The following GPN1 variants were observed in gnomAD, a reference collection of about 807,000 sequenced individuals.
GPN1 encodes ATP(GTP)-binding protein.
GPN1 carries 44 observed loss-of-function variants against 55.9 expected under a neutral mutation model. The observed-to-expected ratio is 0.79, with a 90% CI of 0.62 to 1.01. The LOEUF (loss-of-function observed/expected upper bound fraction) is 1.01. GPN1 is among the 50% of genes least tolerant of loss of function. GPN1 has a pLI of 0.00. For synonymous variants in GPN1, 179 were observed against 162.5 expected (o/e 1.10, Z -0.77); for missense variants, 466 against 462.8 (o/e 1.01, Z -0.06).
chr2:27,637,067 G>A (rs1404419172), intron 7 of GPN1, among the ~76,000 whole-genome samples: 1 of 151,958 alleles, frequency 6.6e-6, no homozygotes, highest in Non-Finnish European at 1.5e-5. Flanking sequence ...ACCAGCCGGG[G>A]CACCATGGTG....
rs1491065968 is a variant in GPN1, at chr2:27,633,452, TGA to T, written c.350+784_350+785del. On this transcript the variant is annotated intron_variant, in intron 5 of 13. Coordinates refer to ENST00000610189, the MANE Select transcript of GPN1 (RefSeq NM_007266.4). ...TCCCAAGTAGCTGGGACTACAGGTG[TGA>T]GCCACCACACCTGGCTAATTTTTGT... Among the ~76,000 whole-genome samples the T allele has an allele frequency of 2.2e-3, 328 of 152,184 alleles. 3 individuals carry two copies. Among genetic ancestry groups the T allele is most frequent in the African/African-American group, 7.2e-3 (298 of 41,520 alleles).
At chr2:27,641,206 A>G in intron 10 of GPN1, 34 bp from the exon 11 acceptor site, 1 of 1,518,552 alleles carries the variant, frequency 6.6e-7, no homozygotes, top group Non-Finnish European at 9.1e-7. Context: ...TAGAGGATTA[A>G]GCAAAGGAAT....
At chr2:27,641,496 G>T (rs1673948711) in intron 11 of GPN1, among the ~76,000 whole-genome samples, 1 of 152,080 alleles carries the variant, frequency 6.6e-6, no homozygotes, top group Non-Finnish European at 1.5e-5. Flanking sequence ...TATGTATGTT[G>T]TCTGGGTGCG....
intron 11 of GPN1, 169 bp from the exon 12 acceptor site, chr2:27,642,260 C>T: frequency 3.5e-6 from 2 of 572,380 alleles, no homozygotes; most frequent in Non-Finnish European, 6.4e-6. Context: ...CTGCAGTAAC[C>T]CAGGCCCACG....
rs569346171 is a variant in GPN1 at position 27,633,462 on chromosome 2, C to T, written c.350+792C>T. Among the ~76,000 whole-genome samples the T allele has an allele frequency of 2.2e-3, 328 of 152,090 alleles. 3 individuals carry two copies. Among genetic ancestry groups the T allele is most frequent in the African/African-American group, 7.2e-3 (298 of 41,476 alleles). On this transcript the variant is annotated intron_variant, in intron 5 of 13. Transcript: ENST00000610189. Reference sequence around the variant, plus strand: ...CTGGGACTACAGGTGTGAGCCACCACACCTGGCTAATTTTTGTATTTTTGT... The same window carrying T: ...CTGGGACTACAGGTGTGAGCCACCATACCTGGCTAATTTTTGTATTTTTGT...
At chr2:27,629,475 G>A (rs1164419298) in intron 1 of GPN1, 1 of 1,321,374 alleles carries the variant, frequency 7.6e-7, no homozygotes, top group Admixed American at 2.0e-5. Context: ...GATTAATACA[G>A]TGCTAGCACA....
intron 7 of GPN1, among the ~76,000 whole-genome samples, chr2:27,635,805 C>T (rs1370208474): frequency 1.3e-5 from 2 of 151,914 alleles, no homozygotes; most frequent in Non-Finnish European, 2.9e-5. Context: ...GCAACAAGAG[C>T]CTGGGGCAAC....
intron 5 of GPN1, among the ~76,000 whole-genome samples, chr2:27,634,035 C>T (rs978671402): frequency 6.6e-6 from 1 of 152,126 alleles, no homozygotes; most frequent in Non-Finnish European, 1.5e-5. Flanking sequence ...TCTCCACAAC[C>T]AGTTCCTCCA....
chr2:27,642,958 T>TACACACACACACACACAC lies in GPN1; in HGVS notation c.931+459_931+476dup, dbSNP rs1553358324. ...AAATGTGGTTTTATATATATATATA[T>TACACACACACACACACAC]ACACACACACACACACACACACACA... On this transcript the variant is annotated intron_variant, in intron 12 of 13. Transcript: ENST00000610189. 2.7e-4 allele frequency among the ~76,000 whole-genome samples: 33 copies of TACACACACACACACACAC among 122,658 alleles called. No homozygotes were observed. In the East Asian group the frequency reaches 2.7e-3, roughly 10 times the overall value. 80.5% of individuals were successfully genotyped at this position (122,658 alleles called of 152,430 possible).
At chr2:27,628,287 G>A (rs754179020), upstream of GPN1, 30 of 1,061,484 alleles carry the variant, frequency 2.8e-5, no homozygotes, top group African/African-American at 6.4e-5. Context: ...CAGACTGGGT[G>A]GTCAGGAGTA....
chr2:27,650,797 A>G lies in GPN1; in HGVS notation c.*597A>G, dbSNP rs1241109549. 1.3e-5 allele frequency: 2 copies of G among 152,828 alleles called. No homozygotes were observed. Among genetic ancestry groups the G allele is most frequent in the Non-Finnish European group, 2.9e-5 (2 of 68,046 alleles). The allele number at this position is 152,828 out of a possible 1,614,324, so 9.5% of individuals were successfully genotyped here. The stretch of plus-strand genomic sequence containing the variant: ...AAAGTGGGCAAGACATGATTAATGA[A>G]TCAGAATCCTGTTTCATTGGTGACT... On this transcript the variant is annotated 3_prime_UTR_variant, in exon 14 of 14. Transcript: ENST00000610189.
chr2:27,635,298 C>CTATTTTTTTT, intron 7 of GPN1, 64 bp downstream of exon 7: 1 of 445,282 alleles, frequency 2.2e-6, no homozygotes, highest in African/African-American at 3.1e-5. Flanking sequence ...CTTCTTCTTC[C>CTATTTTTTTT]TCTTTTTTTT....
chr2:27,630,967 T>C, intron 2 of GPN1, 60 bp from the exon 3 acceptor site: 1 of 824,846 alleles, frequency 1.2e-6, no homozygotes, highest in East Asian at 2.5e-5. Context: ...AGTTTTACTT[T>C]CCTGGTGGTA....
intron 6 of GPN1, 69 bp from the exon 7 acceptor site, chr2:27,635,071 G>A (rs1673679417): frequency 9.4e-7 from 1 of 1,062,268 alleles, no homozygotes; most frequent in Non-Finnish European, 1.5e-6. Flanking sequence ...TGTTAAGGAT[G>A]GTGGAAAAAG....
At position 27,642,447 on chromosome 2, in the gene GPN1, C is replaced by T. The variant is rs1673994521; in HGVS notation, c.859C>T (p.Gln287Ter). 1 of 1,612,394 alleles carries T rather than the reference C, an allele frequency of 6.2e-7. No individual in the cohort carries two copies. Among genetic ancestry groups the T allele is most frequent in the Admixed American group, 1.7e-5 (1 of 59,984 alleles). ...KKSLANAESQ[Q>*]QREQLERLRK... Reference sequence around the variant, plus strand: ...TATACAGGCCAACGCAGAGAGCCAACAGCAGAGAGAACAACTGGAACGCCT... The same window carrying T: ...TATACAGGCCAACGCAGAGAGCCAATAGCAGAGAGAACAACTGGAACGCCT... Residue 287 changes from glutamine to a stop codon, truncating the protein, a stop_gained, in exon 12 of 14, where the codon CAG becomes TAG. Coordinates refer to ENST00000610189, the MANE Select transcript of GPN1 (RefSeq NM_007266.4). LOFTEE classifies it high-confidence loss of function.
chr2:27,635,348 C>CATTCAG (rs965216040), intron 7 of GPN1, 114 bp downstream of exon 7: 33 of 585,368 alleles, frequency 5.6e-5, no homozygotes, highest in Middle Eastern at 6.1e-4. Flanking sequence ...GATTTGTGCT[C>CATTCAG]ATTCAGATTT....
chr2:27,645,168 A>C (rs895788640), intron 12 of GPN1, among the ~76,000 whole-genome samples: 5 of 152,086 alleles, frequency 3.3e-5, no homozygotes, highest in African/African-American at 1.2e-4. Context: ...ACGAGGTCTC[A>C]CCATGTTGCC....
In GPN1 at chr2:27,643,515, TA is replaced by T. The variant is rs1674068503; in HGVS notation, c.931+997del. 6.6e-6 allele frequency among the ~76,000 whole-genome samples: 1 copy of T among 152,182 alleles called. No homozygotes were observed. The highest frequency in any genetic ancestry group is 1.5e-5 in the Non-Finnish European group (1 of 68,022). The stretch of plus-strand genomic sequence containing the variant: ...AATTAACATTGACATAATACTATAA[TA>T]TTAGCTAACATATAGATCTTATTCA... On this transcript the variant is annotated intron_variant, in intron 12 of 13. Transcript: ENST00000610189. The surrounding 1 kb of genome is among the most constrained non-coding windows in gnomAD (Gnocchi z 4.0).
intron 13 of GPN1, among the ~76,000 whole-genome samples, chr2:27,649,670 T>C (rs1390198043): frequency 6.6e-6 from 1 of 152,230 alleles, no homozygotes; most frequent in Non-Finnish European, 1.5e-5. Context: ...CTCAGTAGTG[T>C]AGTCTCTCCA....
Sources: gnomAD v4.1 joint callset for allele counts (sites outside exome capture counted in the v4.1 genomes callset) on GRCh38, gnomAD v4.1.1 for gene constraint, Gnocchi (gnomAD v3.1) non-coding constraint, MANE v1.5 for transcripts, NCBI Gene and HGNC (gene_info 2026-07-23, HGNC 2026-07-21) for gene names.